Variants in SNTG1 observed in about 807,000 individuals in gnomAD.
SNTG1 encodes the protein syntrophin gamma 1.
Under a neutral mutation model 74.7 loss-of-function variants are expected in SNTG1, and 39 were observed. The ratio of observed to expected loss-of-function variants is 0.52; its 90% CI spans 0.40 to 0.68. The LOEUF (loss-of-function observed/expected upper bound fraction) is 0.68. Ranked by LOEUF, SNTG1 falls within the 30% of genes least tolerant of loss-of-function variation. SNTG1 has a pLI of 0.00. For missense variants in SNTG1, 685 were observed against 609.5 expected (o/e 1.12, Z -1.30); for synonymous variants, 254 against 217.1 (o/e 1.17, Z -1.49).
intron 1 of SNTG1, among the ~76,000 whole-genome samples, chr8:50,022,224 A>G (rs1158896395): frequency 6.6e-6 from 1 of 152,182 alleles, no homozygotes; most frequent in Non-Finnish European, 1.5e-5. Flanking sequence ...AGACAATAAC[A>G]ATGTCTCGAG....
At chr8:50,606,427 G>A (rs1235884077) in intron 13 of SNTG1, among the ~76,000 whole-genome samples, 1 of 151,852 alleles carries the variant, frequency 6.6e-6, no homozygotes, top group Non-Finnish European at 1.5e-5. Flanking sequence ...TAATATAAAT[G>A]ACAAATTTTT....
intron 2 of SNTG1, among the ~76,000 whole-genome samples, chr8:50,307,310 C>T (rs1192571428): frequency 1.3e-5 from 2 of 151,828 alleles, no homozygotes; most frequent in Non-Finnish European, 2.9e-5. Flanking sequence ...AGTGATTGTA[C>T]CTAGGGTTAT....
At chr8:50,738,651 T>A (rs181721381) in intron 17 of SNTG1, among the ~76,000 whole-genome samples, 65 of 152,140 alleles carry the variant, frequency 4.3e-4, no homozygotes, top group African/African-American at 1.5e-3. Context: ...ATACCTGACT[T>A]CAAACTATAC....
intron 2 of SNTG1, among the ~76,000 whole-genome samples, chr8:50,342,063 A>C (rs1199528521): frequency 6.6e-6 from 1 of 152,054 alleles, no homozygotes; most frequent in Admixed American, 6.5e-5. Context: ...CATAATCACT[A>C]TGTGTACAGT....
intron 13 of SNTG1, among the ~76,000 whole-genome samples, chr8:50,634,433 A>C (rs1307049309): frequency 6.6e-6 from 1 of 152,170 alleles, no homozygotes; most frequent in Non-Finnish European, 1.5e-5. Context: ...TGAGCTTTTC[A>C]AACGTGATTT....
chr8:50,057,627 A>C (rs1470505879), intron 1 of SNTG1, among the ~76,000 whole-genome samples: 1 of 152,130 alleles, frequency 6.6e-6, no homozygotes, highest in Non-Finnish European at 1.5e-5. Context: ...TTTAAGGATT[A>C]AATTCATAAG....
chr8:49,998,587 GACACACACACACACAC>G (rs56162374), intron 1 of SNTG1, among the ~76,000 whole-genome samples: 2 of 136,834 alleles, frequency 1.5e-5, no homozygotes, highest in African/African-American at 2.6e-5. Flanking sequence ...TAAAAATTAA[GACACACACACACACAC>G]ACACACACAC....
chr8:50,044,592 A>G (rs1818918899), intron 1 of SNTG1, among the ~76,000 whole-genome samples: 1 of 152,182 alleles, frequency 6.6e-6, no homozygotes, highest in African/African-American at 2.4e-5. Context: ...TGGAGCCTAG[A>G]ACCTGGACTT....
At chr8:50,307,545 T>C (rs2089952536) in intron 2 of SNTG1, among the ~76,000 whole-genome samples, 1 of 152,142 alleles carries the variant, frequency 6.6e-6, no homozygotes, top group African/African-American at 2.4e-5. Context: ...GAAAAAAGTA[T>C]TTTATTTATG....
chr8:50,431,572 C>A (rs185471852), intron 4 of SNTG1, among the ~76,000 whole-genome samples: 1 of 152,206 alleles, frequency 6.6e-6, no homozygotes, highest in Admixed American at 6.5e-5. Flanking sequence ...CTAGGAGTAT[C>A]ATTCCCAGAT....
intron 2 of SNTG1, among the ~76,000 whole-genome samples, chr8:50,225,654 T>C (rs1265317775): frequency 2.0e-5 from 3 of 152,232 alleles, no homozygotes; most frequent in Non-Finnish European, 4.4e-5. Flanking sequence ...TTACAGAGCT[T>C]GAGTCTTTTG....
chr8:50,456,647 C>T (rs1232913389), intron 8 of SNTG1, among the ~76,000 whole-genome samples: 1 of 152,164 alleles, frequency 6.6e-6, no homozygotes, highest in African/African-American at 2.4e-5. Context: ...TCCCAAAAGA[C>T]ACCACCACTT....
intron 16 of SNTG1, chr8:50,708,368 C>G (rs990923959): frequency 6.5e-6 from 1 of 153,630 alleles, no homozygotes; most frequent in Non-Finnish European, 1.4e-5. Context: ...CAGAGTAAGA[C>G]TGTTAAGATC....
At chr8:50,099,309 G>A (rs1371329122) in intron 1 of SNTG1, among the ~76,000 whole-genome samples, 1 of 152,002 alleles carries the variant, frequency 6.6e-6, no homozygotes, top group Non-Finnish European at 1.5e-5. Flanking sequence ...AGTGTCTGTG[G>A]CTAAAATGCA....
At chr8:50,244,950 A>G (rs897555338) in intron 2 of SNTG1, among the ~76,000 whole-genome samples, 2 of 152,332 alleles carry the variant, frequency 1.3e-5, no homozygotes, top group African/African-American at 4.8e-5. Context: ...TTTATTGTAC[A>G]GTTTAAAGTA....
chr8:49,951,433 C>T (rs538456900), intron 1 of SNTG1, among the ~76,000 whole-genome samples: 8 of 152,106 alleles, frequency 5.3e-5, no homozygotes, highest in South Asian at 2.1e-4. Context: ...GACACTGAGA[C>T]GCTGGCCCCA....
intron 9 of SNTG1, among the ~76,000 whole-genome samples, chr8:50,506,417 C>T (rs1379724054): frequency 6.6e-6 from 1 of 152,108 alleles, no homozygotes. Context: ...TGCATTGAAC[C>T]TGTAGATTGC....
At chr8:50,489,257 A>G (rs533008972) in intron 8 of SNTG1, among the ~76,000 whole-genome samples, 132 of 152,240 alleles carry the variant, frequency 8.7e-4, no homozygotes, top group African/African-American at 3.0e-3. Context: ...TGTCTTTATA[A>G]TAGAATGATT....
intron 11 of SNTG1, among the ~76,000 whole-genome samples, chr8:50,543,508 T>C (rs1321644839): frequency 6.6e-6 from 1 of 152,158 alleles, no homozygotes; most frequent in Non-Finnish European, 1.5e-5. Flanking sequence ...TTCTTCCAAG[T>C]AGTTTTATTT....
Sources: allele counts gnomAD v4.1 joint callset (sites outside exome capture counted in the v4.1 genomes callset), GRCh38; gene constraint gnomAD v4.1.1; transcripts MANE v1.5; gene names NCBI Gene and HGNC (gene_info 2026-07-23, HGNC 2026-07-21).